Variants in HSPG2 observed in about 807,000 individuals in gnomAD.
HSPG2 encodes the protein basement membrane-specific heparan sulfate proteoglycan core protein.
In HSPG2, 278 loss-of-function variants were observed where a neutral mutation model predicts 526.6. The observed-to-expected ratio is 0.53, with a 90% CI of 0.48 to 0.58. HSPG2 has a LOEUF of 0.58. HSPG2 is among the 20% of genes least tolerant of loss of function. The probability of loss-of-function intolerance (pLI) is 0.00; values close to 1 mark genes in which losing one functional copy is unlikely to be tolerated. For missense variants in HSPG2, 5,354 were observed against 6,099.5 expected (o/e 0.88, Z 4.07); for synonymous variants, 2,465 against 2,555.4 (o/e 0.96, Z 1.07).
At chr1:21,869,161 G>A (rs1331930362) in intron 33 of HSPG2, among the ~76,000 whole-genome samples, 1 of 152,154 alleles carries the variant, frequency 6.6e-6, no homozygotes, top group African/African-American at 2.4e-5. Flanking sequence ...CCCAATCCCG[G>A]CCCAGGTCCC....
In HSPG2 at chr1:21,848,053, G is replaced by C; in HGVS notation, c.7778C>G (p.Ala2593Gly). The C allele has an allele frequency of 6.2e-7, 1 of 1,612,894 alleles. No individual in the cohort carries two copies. The highest frequency in any genetic ancestry group is 8.5e-7 in the Non-Finnish European group (1 of 1,179,784). The part of the protein sequence containing the change: ...SRLRIPQVTP[A>G]DSGEYVCHVS... ...GTGACACACGTACTCGCCCGAGTCT[G>C]CCGGAGTCACCTGAGGGATCCGCAG... Residue 2593 changes from alanine to glycine, a missense_variant, in exon 60 of 97, where the codon GCA becomes GGA. Transcript: ENST00000374695. The surrounding 1 kb of genome is among the most constrained non-coding windows in gnomAD (Gnocchi z 4.9).
chr1:21,881,561 CT>C (rs1475858087), intron 13 of HSPG2, 59 bp from the exon 14 acceptor site: 1 of 1,432,382 alleles, frequency 7.0e-7, no homozygotes, highest in Non-Finnish European at 9.7e-7. Flanking sequence ...ATACACCCAT[CT>C]TGAGGGGCAG....
rs1425739606 is a variant in HSPG2 at position 21,887,012 on chromosome 1, C to A, written c.1078+203G>T. Among the ~76,000 whole-genome samples, 1 of 152,084 alleles carries A rather than the reference C, an allele frequency of 6.6e-6. No individual in the cohort carries two copies. The highest frequency in any genetic ancestry group is 2.4e-5 in the African/African-American group (1 of 41,412). ...GCCAGCTCAGGGCCAAGGGGCCTTA[C>A]GGCTCTGGTTAGAGATAAACCTTGG... On this transcript the variant is annotated intron_variant, in intron 9 of 96. Coordinates refer to ENST00000374695, the MANE Select transcript of HSPG2 (RefSeq NM_005529.7). The surrounding 1 kb of genome is among the most constrained non-coding windows in gnomAD (Gnocchi z 5.0).
At chr1:21,891,349 G>T (rs1322005216) in intron 3 of HSPG2, among the ~76,000 whole-genome samples, 2 of 152,230 alleles carry the variant, frequency 1.3e-5, no homozygotes, top group African/African-American at 2.4e-5. Flanking sequence ...CTGGGTTGCT[G>T]CGAGGAGTGC....
rs1557759762 is a variant in HSPG2, at chr1:21,873,915, C to A, written c.3743+10G>T. 1.9e-6 allele frequency: 3 copies of A among 1,572,034 alleles called. No individual in the cohort carries two copies. The highest frequency in any genetic ancestry group is 1.8e-5 in the Admixed American group (1 of 54,246). Reference sequence around the variant, plus strand: ...GCGCATCCCCCCACCCTCTCCACCCCCTGCCTCACCTCTCACAGTGACGCC... The same window carrying A: ...GCGCATCCCCCCACCCTCTCCACCCACTGCCTCACCTCTCACAGTGACGCC... On this transcript the variant is annotated intron_variant, in intron 29 of 96. Transcript: ENST00000374695.
chr1:21,899,104 G>A (rs186269878), intron 1 of HSPG2, among the ~76,000 whole-genome samples: 1 of 152,294 alleles, frequency 6.6e-6, no homozygotes, highest in South Asian at 2.1e-4. Context: ...CCAGAGCACG[G>A]GTCCCTCCAT....
In HSPG2 at chr1:21,929,593, T is replaced by G. The variant is rs548474660; in HGVS notation, c.63+7562A>C. Among the ~76,000 whole-genome samples the G allele has an allele frequency of 4.0e-5, 6 of 151,610 alleles. No homozygotes were observed. The South Asian group carries it at 1.3e-3, about 32-fold the overall frequency. ...TGGCCCACCTGCCGGTTTTTTTTTT[T>G]TTTTTTTTAGGAATTTTTATTGTCC... On this transcript the variant is annotated intron_variant, in intron 1 of 96. Coordinates refer to ENST00000374695, the MANE Select transcript of HSPG2 (RefSeq NM_005529.7).
Position 21,847,538 on chromosome 1 carries a change from G to A in HSPG2, c.8026-46C>T, listed in dbSNP as rs572688943. The A allele has an allele frequency of 1.7e-5, 28 of 1,611,926 alleles. No homozygotes were observed. Among genetic ancestry groups the A allele is most frequent in the Non-Finnish European group, 2.3e-5 (27 of 1,178,940 alleles). On this transcript the variant is annotated intron_variant, in intron 61 of 96. Coordinates refer to ENST00000374695, the MANE Select transcript of HSPG2 (RefSeq NM_005529.7). This position sits in a 1 kb window ranked among gnomAD's most constrained non-coding sequence, Gnocchi z 4.1. The stretch of plus-strand genomic sequence containing the variant: ...GGAGAGGGAGAGGGAGTGGAGGGAC[G>A]CTGGGGTCACCAGCTGGCTCAGGCC...
At chr1:21,851,253 G>C (rs145276816) in intron 55 of HSPG2, 32 of 457,818 alleles carry the variant, frequency 7.0e-5, no homozygotes, top group South Asian at 6.5e-4. Flanking sequence ...GATTACAGGC[G>C]TAAGCCACCG....
chr1:21,870,088 G>A (rs1158896629), intron 33 of HSPG2: 4 of 240,746 alleles, frequency 1.7e-5, no homozygotes, highest in African/African-American at 2.3e-5. Flanking sequence ...CTGGGGCCTG[G>A]CCTGGCATAG....
At chr1:21,873,810 G>T (rs1640841585) in intron 29 of HSPG2, 115 bp downstream of exon 29, 2 of 878,468 alleles carry the variant, frequency 2.3e-6, no homozygotes, top group African/African-American at 1.7e-5. Flanking sequence ...CCTGTGCGAG[G>T]TTAAGAGCGA....
At chr1:21,884,698 C>T in intron 12 of HSPG2, 24 bp from the exon 13 acceptor site, 1 of 1,610,220 alleles carries the variant, frequency 6.2e-7, no homozygotes, top group Non-Finnish European at 8.5e-7. Context: ...TGGGCGGGGG[C>T]TGCAGCCGGC....
Position 21,881,472 on chromosome 1 carries a change from C to G in HSPG2, c.1685G>C (p.Gly562Ala). 1 of 1,612,710 alleles carries G rather than the reference C, an allele frequency of 6.2e-7. No individual in the cohort carries two copies. The highest frequency in any genetic ancestry group is 8.5e-7 in the Non-Finnish European group (1 of 1,179,960). The change falls in exon 14 of 97, where the codon GGC becomes GCC. Residue 562 changes from glycine (G) to alanine (A), a missense_variant. Gly to Ala is a moderately conservative substitution (Grantham distance 60). Coordinates refer to ENST00000374695, the MANE Select transcript of HSPG2 (RefSeq NM_005529.7). ...GVNVTMPAQP[G>A]TPPLSSTQLQ... Reference sequence around the variant, plus strand: ...CTGCGTGGAGGAGAGGGGTGGCGTGCCGGGCTGCGCAGGCATTGTCACATT... The same window carrying G: ...CTGCGTGGAGGAGAGGGGTGGCGTGGCGGGCTGCGCAGGCATTGTCACATT...
intron 1 of HSPG2, among the ~76,000 whole-genome samples, chr1:21,924,254 C>G (rs1208922875): frequency 1.3e-5 from 2 of 152,190 alleles, no homozygotes; most frequent in African/African-American, 2.4e-5. Flanking sequence ...CCAGCGTCAC[C>G]AGACATCCTG....
chr1:21,859,049 A>AT lies in HSPG2; in HGVS notation c.5293+516dup. 6.6e-6 allele frequency among the ~76,000 whole-genome samples: 1 copy of AT among 151,922 alleles called. No individual in the cohort carries two copies. The highest frequency in any genetic ancestry group is 3.4e-3 in the Middle Eastern group (1 of 294). On this transcript the variant is annotated intron_variant, in intron 42 of 96. Transcript: ENST00000374695. This position sits in a 1 kb window ranked among gnomAD's most constrained non-coding sequence, Gnocchi z 5.3. ...GGGCAGGGTGACTCTGAGGTGCATT[A>AT]TTATTATTATTTTTTTAAGACAGAG...
chr1:21,850,550 T>A lies in HSPG2; in HGVS notation c.7159-52A>T, dbSNP rs549780279. Reference sequence around the variant, plus strand: ...GGAGCCCTCAGGAGACCCCTGTTCCTATAACCTGCAACCCTGCCTCACTCT... The same window carrying A: ...GGAGCCCTCAGGAGACCCCTGTTCCAATAACCTGCAACCCTGCCTCACTCT... On this transcript the variant is annotated intron_variant, in intron 55 of 96. Coordinates refer to ENST00000374695, the MANE Select transcript of HSPG2 (RefSeq NM_005529.7). 43 of 1,525,548 alleles carry A rather than the reference T, an allele frequency of 2.8e-5. No homozygotes were observed. The East Asian group carries it at 8.8e-4, about 31-fold the overall frequency. The allele number at this position is 1,525,548 out of a possible 1,614,324, so 94.5% of individuals were successfully genotyped here.
rs376362605 is a variant in HSPG2, at chr1:21,825,736, C to T, written c.12590-957G>A. 1.1e-4 allele frequency among the ~76,000 whole-genome samples: 17 copies of T among 152,296 alleles called. 1 individual carries two copies. Among genetic ancestry groups the T allele is most frequent in the African/African-American group, 4.1e-4 (17 of 41,546 alleles). ...GCTACAGACACCACTGCATTTAACTCAATCCTTACAACAACCCTATGAATG... is the reference window on the plus strand; with the variant it reads ...GCTACAGACACCACTGCATTTAACTTAATCCTTACAACAACCCTATGAATG... On this transcript the variant is annotated intron_variant, in intron 91 of 96. Coordinates refer to ENST00000374695, the MANE Select transcript of HSPG2 (RefSeq NM_005529.7).
intron 1 of HSPG2, among the ~76,000 whole-genome samples, chr1:21,933,188 C>G (rs554306672): frequency 2.6e-5 from 4 of 150,948 alleles, no homozygotes; most frequent in East Asian, 2.0e-4. Context: ...CCACTGCACT[C>G]CAGCCTGGGT....
chr1:21,921,420 A>G (rs1644035074), intron 1 of HSPG2, among the ~76,000 whole-genome samples: 1 of 152,116 alleles, frequency 6.6e-6, no homozygotes, highest in Non-Finnish European at 1.5e-5. Context: ...CAGAGTTCAC[A>G]TTGCACCTAG....
Sources: allele counts gnomAD v4.1 joint callset (sites outside exome capture counted in the v4.1 genomes callset), GRCh38; gene constraint gnomAD v4.1.1; non-coding constraint Gnocchi (gnomAD v3.1); transcripts MANE v1.5; gene names NCBI Gene and HGNC (gene_info 2026-07-23, HGNC 2026-07-21).